Variants in RAPGEF1 observed in about 807,000 individuals in gnomAD.
RAPGEF1 encodes the protein Rap guanine nucleotide exchange factor 1, also known as CRK SH3-binding GNRP.
RAPGEF1 carries 33 observed loss-of-function variants against 143.3 expected under a neutral mutation model. The observed-to-expected ratio is 0.23, with a 90% confidence interval of 0.17 to 0.31. The LOEUF (loss-of-function observed/expected upper bound fraction) is 0.31, where lower values mean the gene tolerates loss of function less well. RAPGEF1 is among the 10% of genes least tolerant of loss of function. The pLI is 1.00. For synonymous variants in RAPGEF1, 629 were observed against 676.5 expected (o/e 0.93, Z 1.09); for missense variants, 1,199 against 1,645.4 (o/e 0.73, Z 4.69).
chr9:131,589,281 G>A (rs1217053458), intron 19 of RAPGEF1, among the ~76,000 whole-genome samples: 7 of 152,172 alleles, frequency 4.6e-5, no homozygotes, highest in African/African-American at 9.7e-5. Context: ...CACGAATCCC[G>A]CCCTGGGGAG....
At chr9:131,613,211 C>T (rs528291420) in intron 12 of RAPGEF1, among the ~76,000 whole-genome samples, 2 of 152,088 alleles carry the variant, frequency 1.3e-5, no homozygotes, top group African/African-American at 2.4e-5. Context: ...TGGGGCAGGG[C>T]GGTGTGCTCA....
chr9:131,737,259 C>A (rs906453325), intron 1 of RAPGEF1: 9 of 1,333,788 alleles, frequency 6.7e-6, no homozygotes, highest in Non-Finnish European at 9.5e-6. Context: ...ACACTTTCCG[C>A]AGCTCCTGGT....
chr9:131,623,661 G>C (rs944860302), intron 10 of RAPGEF1, among the ~76,000 whole-genome samples: 1 of 152,208 alleles, frequency 6.6e-6, no homozygotes, highest in African/African-American at 2.4e-5. Flanking sequence ...TGCTGGGAAG[G>C]TTCAGCCGCC....
chr9:131,598,318 G>A lies in RAPGEF1; in HGVS notation c.2502-8C>T, dbSNP rs1197662655. 1 of 1,611,916 alleles carries A rather than the reference G, an allele frequency of 6.2e-7. No homozygotes were observed. The highest frequency in any genetic ancestry group is 1.3e-5 in the African/African-American group (1 of 74,884). On this transcript the variant is annotated splice_region_variant and splice_polypyrimidine_tract_variant and intron_variant, in intron 15 of 26. Transcript: ENST00000683357. Reference sequence around the variant, plus strand: ...TCTGGTGACTTTGGGGCCCTGCGGGGAGAAGTGGTTTGTGTTGCAAGTGTC... The same window carrying A: ...TCTGGTGACTTTGGGGCCCTGCGGGAAGAAGTGGTTTGTGTTGCAAGTGTC...
intron 1 of RAPGEF1, among the ~76,000 whole-genome samples, chr9:131,716,290 T>C (rs1239997110): frequency 1.3e-5 from 2 of 152,242 alleles, no homozygotes; most frequent in African/African-American, 4.8e-5. Context: ...GCTTCATGGA[T>C]GAGGCTGGTT....
At chr9:131,587,221 AACACACAC>A (rs367860435) in intron 22 of RAPGEF1, among the ~76,000 whole-genome samples, 1 of 60,614 alleles carries the variant, frequency 1.6e-5, no homozygotes, top group Admixed American at 1.5e-4. Flanking sequence ...CTCCGTCTCA[AACACACAC>A]ACACACACAC....
At chr9:131,612,305 C>T (rs780380994) in intron 12 of RAPGEF1, among the ~76,000 whole-genome samples, 53 of 152,346 alleles carry the variant, frequency 3.5e-4, no homozygotes, top group Admixed American at 2.3e-3. Context: ...AGTACAACCA[C>T]GGCCAGGTGC....
At chr9:131,580,501 G>C in intron 25 of RAPGEF1, 110 bp from the exon 26 acceptor site, 2 of 1,312,592 alleles carry the variant, frequency 1.5e-6, no homozygotes, top group Non-Finnish European at 1.0e-6. Context: ...CCAAACCCCA[G>C]AGCAAACCAA....
intron 12 of RAPGEF1, among the ~76,000 whole-genome samples, chr9:131,607,241 C>T (rs1454172626): frequency 6.6e-6 from 1 of 152,210 alleles, no homozygotes; most frequent in East Asian, 1.9e-4. Context: ...ACTCAGGTAC[C>T]TGTACAAGTG....
intron 16 of RAPGEF1, 118 bp from the exon 17 acceptor site, chr9:131,596,491 C>T (rs1202035772): frequency 1.0e-6 from 1 of 997,160 alleles, no homozygotes; most frequent in East Asian, 2.6e-5. Context: ...AGTCCCCTCT[C>T]CTTCTGTGCT....
intron 13 of RAPGEF1, 98 bp from the exon 14 acceptor site, chr9:131,604,151 C>T: frequency 1.4e-6 from 1 of 702,570 alleles, no homozygotes; most frequent in South Asian, 1.6e-5. Context: ...CTCTGGTCTT[C>T]CCAGGTGCAG....
intron 1 of RAPGEF1, among the ~76,000 whole-genome samples, chr9:131,695,395 G>C (rs774318151): frequency 5.9e-5 from 9 of 152,222 alleles, no homozygotes; most frequent in Non-Finnish European, 1.2e-4. Flanking sequence ...GCTACCCATG[G>C]ATGAGCCATT....
chr9:131,638,535 C>T (rs1966862743), intron 5 of RAPGEF1, 100 bp downstream of exon 5: 2 of 1,350,790 alleles, frequency 1.5e-6, no homozygotes, highest in South Asian at 1.3e-5. Context: ...GAAAGACATT[C>T]TAATGTTTGA....
chr9:131,628,033 C>G lies in RAPGEF1; in HGVS notation c.1081G>C (p.Glu361Gln). 6.4e-7 allele frequency: 1 copy of G among 1,565,126 alleles called. No homozygotes were observed. Among genetic ancestry groups the G allele is most frequent in the Non-Finnish European group, 8.7e-7 (1 of 1,155,422 alleles). Residue 361 changes from glutamate to glutamine, a missense_variant, in exon 9 of 27, where the codon GAG becomes CAG. Physicochemically the swap from Glu to Gln is conservative, Grantham distance 29. Transcript: ENST00000683357. The surrounding 1 kb of genome is among the most constrained non-coding windows in gnomAD (Gnocchi z 5.7). ...LSGGSHSYGG[E>Q]SPRLSPCSSI... Reference sequence around the variant, plus strand: ...CTGCAGGGGGAGAGGCGGGGCGACTCTCCACCATATGAGTGGCTGCCTCCT... The same window carrying G: ...CTGCAGGGGGAGAGGCGGGGCGACTGTCCACCATATGAGTGGCTGCCTCCT...
At chr9:131,620,154 G>C (rs893525908) in intron 11 of RAPGEF1, among the ~76,000 whole-genome samples, 3 of 152,162 alleles carry the variant, frequency 2.0e-5, no homozygotes, top group Non-Finnish European at 4.4e-5. Flanking sequence ...CTGATTCCAC[G>C]TGCTCCCTAG....
intron 12 of RAPGEF1, among the ~76,000 whole-genome samples, chr9:131,617,221 G>A (rs773639688): frequency 3.9e-4 from 59 of 152,248 alleles, no homozygotes; most frequent in Non-Finnish European, 7.6e-4. Context: ...GCTCAGTCAA[G>A]AGCTCGGATT....
At chr9:131,643,116 G>T in intron 4 of RAPGEF1, 123 bp downstream of exon 4, 1 of 1,099,588 alleles carries the variant, frequency 9.1e-7, no homozygotes, top group Non-Finnish European at 1.3e-6. Context: ...GGGGAAGGAT[G>T]AGGGGTGATG....
chr9:131,643,152 G>C lies in RAPGEF1; in HGVS notation c.494+87C>G, dbSNP rs561818880. On this transcript the variant is annotated intron_variant, in intron 4 of 26. Coordinates refer to ENST00000683357, the MANE Select transcript of RAPGEF1 (RefSeq NM_001377935.1). The stretch of plus-strand genomic sequence containing the variant: ...GAGTCCTTTTCCTGACTGTTCCTAG[G>C]AACCTTGAGTTTCCAGTGCCACCAA... The C allele has an allele frequency of 5.5e-5, 78 of 1,430,524 alleles. 1 individual carries two copies. The South Asian group carries it at 1.0e-3, about 19-fold the overall frequency. The allele number at this position is 1,430,524 out of a possible 1,614,324, so 88.6% of individuals were successfully genotyped here. A position where few individuals can be genotyped will look rare whatever the true frequency, so the allele number is the denominator to read the frequency against.
intron 22 of RAPGEF1, among the ~76,000 whole-genome samples, chr9:131,587,267 A>AACACACACAC (rs71374113): frequency 2.9e-4 from 19 of 66,136 alleles, no homozygotes; most frequent in Middle Eastern, 0.012. Flanking sequence ...CTCCATCTCA[A>AACACACACAC]ACACACACAC....
Sources: gnomAD v4.1 joint callset for allele counts (sites outside exome capture counted in the v4.1 genomes callset) on GRCh38, gnomAD v4.1.1 for gene constraint, Gnocchi (gnomAD v3.1) non-coding constraint, MANE v1.5 for transcripts, NCBI Gene and HGNC (gene_info 2026-07-23, HGNC 2026-07-21) for gene names.